The following AKT1 variants were observed in gnomAD, a reference collection of about 807,000 sequenced individuals.
The protein encoded by AKT1 is AKT serine/threonine kinase 1.
Under a neutral mutation model 63.1 loss-of-function variants are expected in AKT1, and 21 were observed. The observed-to-expected ratio is 0.33, with a 90% confidence interval of 0.24 to 0.48. The LOEUF (loss-of-function observed/expected upper bound fraction) is 0.48, where lower values mean the gene tolerates loss of function less well. AKT1 is among the 20% of genes least tolerant of loss of function. The pLI, the probability that AKT1 is intolerant of heterozygous loss-of-function variation, is 0.99. For synonymous variants in AKT1, 257 were observed against 253.1 expected (o/e 1.02, Z -0.15); for missense variants, 382 against 666.0 (o/e 0.57, Z 4.69).
intron 3 of AKT1, among the ~76,000 whole-genome samples, chr14:104,782,889 G>T (rs374349508): frequency 1.3e-5 from 2 of 152,112 alleles, no homozygotes; most frequent in Non-Finnish European, 2.9e-5. Context: ...AGGATCACTT[G>T]GGGGGGTGCC....
At chr14:104,773,857 C>T in intron 9 of AKT1, 55 bp downstream of exon 9, 5 of 1,530,060 alleles carry the variant, frequency 3.3e-6, no homozygotes, top group Non-Finnish European at 4.5e-6. Context: ...GGACCGGCCC[C>T]ACCATGGGCG....
Position 104,774,928 on chromosome 14 carries a change from T to A in AKT1, c.633+10A>T. On this transcript the variant is annotated intron_variant, in intron 8 of 14. Transcript: ENST00000649815. ...CCCAGCCCTTCAGCCCCATCTGGGC[T>A]CCCACTCACTGTGAGGAAGGGGTGC... 2 of 1,608,838 alleles carry A rather than the reference T, an allele frequency of 1.2e-6. No individual in the cohort carries two copies. Among genetic ancestry groups the A allele is most frequent in the African/African-American group, 2.7e-5 (2 of 74,454 alleles).
In AKT1 at chr14:104,778,368, T is replaced by C. The variant is rs550696335; in HGVS notation, c.176-1598A>G. 1.5e-4 allele frequency: 23 copies of C among 152,416 alleles called. 2 individuals are homozygous for C. In the East Asian group the frequency reaches 4.3e-3, roughly 28 times the overall value. 9.4% of individuals were successfully genotyped at this position (152,416 alleles called of 1,614,324 possible). A position where few individuals can be genotyped will look rare whatever the true frequency, so the allele number is the denominator to read the frequency against. The stretch of plus-strand genomic sequence containing the variant: ...AGTCACAGTGAGTCTCCTGCATGGT[T>C]ACGAGGCTGTCAGGAGACAGGGGTG... On this transcript the variant is annotated intron_variant, in intron 4 of 14. Coordinates refer to ENST00000649815, the MANE Select transcript of AKT1 (RefSeq NM_001382430.1).
At chr14:104,792,447 A>C in intron 3 of AKT1, 151 bp downstream of exon 3, 1 of 851,230 alleles carries the variant, frequency 1.2e-6, no homozygotes, top group South Asian at 1.4e-5. Flanking sequence ...CCATGGGAAG[A>C]CATGGGGCCC....
chr14:104,777,747 A>G, intron 4 of AKT1: 1 of 985,454 alleles, frequency 1.0e-6, no homozygotes. Flanking sequence ...ACATTCCAGC[A>G]TCGAGGCCCT....
At chr14:104,771,034 C>G (rs1892355796) in intron 13 of AKT1, 187 bp from the exon 14 acceptor site, 2 of 598,770 alleles carry the variant, frequency 3.3e-6, no homozygotes, top group South Asian at 2.0e-5. Flanking sequence ...ATGAGGGGTG[C>G]AGGAGCACGG....
At chr14:104,776,534 G>A (rs917847115) in intron 5 of AKT1, 125 bp downstream of exon 5, 1 of 767,758 alleles carries the variant, frequency 1.3e-6, no homozygotes, top group South Asian at 1.8e-5. Context: ...GCTCTGAGGA[G>A]GGCCTGGGAG....
At chr14:104,781,470 G>C (rs1893035823) in intron 3 of AKT1, among the ~76,000 whole-genome samples, 1 of 152,200 alleles carries the variant, frequency 6.6e-6, no homozygotes, top group Non-Finnish European at 1.5e-5. Context: ...AGCCCCAGGG[G>C]AGCTCAGAGG....
At chr14:104,792,925 GT>G (rs1893702929) in intron 2 of AKT1, 1 of 582,196 alleles carries the variant, frequency 1.7e-6, no homozygotes, top group African/African-American at 1.9e-5. Flanking sequence ...GGGCTGCCAA[GT>G]GTCAAATCCA....
rs781232725 is a variant in AKT1 at position 104,773,920 on chromosome 14, C to T, written c.694G>A (p.Gly232Arg). ...GCAGCCCCAGCCCCTACCTCGCCCC[C>T]GTTGGCGTACTCCATGACAAAGCAG... ...RLCFVMEYAN[G>R]GELFFHLSRE... Residue 232 changes from glycine (G) to arginine (R), a missense_variant, in exon 9 of 15, where the codon GGG becomes AGG. Around this residue, in one of 3 missense-constraint regions of AKT1, gnomAD observed 226 missense variants for 366.4 expected, o/e 0.62. Coordinates refer to ENST00000649815, the MANE Select transcript of AKT1 (RefSeq NM_001382430.1). The T allele has an allele frequency of 1.2e-6, 2 of 1,610,440 alleles. No individual in the cohort carries two copies. The highest frequency in any genetic ancestry group is 1.3e-5 in the African/African-American group (1 of 74,816).
At chr14:104,777,792 A>G (rs1447969660) in intron 4 of AKT1, 3 of 974,266 alleles carry the variant, frequency 3.1e-6, no homozygotes, top group Non-Finnish European at 3.7e-6. Context: ...GGCAGCAAGG[A>G]AGCTGTCTTC....
chr14:104,773,879 G>T (rs3730361), intron 9 of AKT1, 33 bp downstream of exon 9: 6 of 1,577,240 alleles, frequency 3.8e-6, no homozygotes, highest in Non-Finnish European at 5.2e-6. Context: ...CCCACAGGCC[G>T]CGAAGTCCAT....
chr14:104,787,708 G>A (rs1023474896), intron 3 of AKT1, among the ~76,000 whole-genome samples: 3 of 152,220 alleles, frequency 2.0e-5, no homozygotes, highest in Admixed American at 1.3e-4. Context: ...ACTCTCCTGG[G>A]CCTCAGTTTC....
At chr14:104,786,522 G>A (rs1349247724) in intron 3 of AKT1, among the ~76,000 whole-genome samples, 1 of 152,196 alleles carries the variant, frequency 6.6e-6, no homozygotes, top group Non-Finnish European at 1.5e-5. Flanking sequence ...CTCCAGTGCT[G>A]GCCTCTCAAT....
At chr14:104,773,608 C>G in intron 9 of AKT1, 28 bp from the exon 10 acceptor site, 1 of 1,589,116 alleles carries the variant, frequency 6.3e-7, no homozygotes, top group Non-Finnish European at 8.6e-7. Context: ...TGAGGCACAG[C>G]CGTGGCTCGG....
At chr14:104,780,246 C>T (rs1892957391) in intron 3 of AKT1, 30 bp from the exon 4 acceptor site, 2 of 1,610,212 alleles carry the variant, frequency 1.2e-6, no homozygotes, top group Non-Finnish European at 1.7e-6. Context: ...GAGAGCCACG[C>T]ACACTCTACC....
chr14:104,792,791 G>T, intron 2 of AKT1, 69 bp from the exon 3 acceptor site: 1 of 977,908 alleles, frequency 1.0e-6, no homozygotes, highest in Non-Finnish European at 1.6e-6. Context: ...CCCTGGGTGA[G>T]CCAGAGACCC....
intron 9 of AKT1, 119 bp from the exon 10 acceptor site, chr14:104,773,699 A>T: frequency 7.0e-7 from 1 of 1,431,650 alleles, no homozygotes. Context: ...CAGCCACCAG[A>T]GGGCACGGGG....
intron 4 of AKT1, 76 bp downstream of exon 4, chr14:104,780,012 C>G (rs1892944460): frequency 6.4e-7 from 1 of 1,564,032 alleles, no homozygotes; most frequent in Non-Finnish European, 8.7e-7. Context: ...GGACCCCCAT[C>G]GTGGGGCCTG....
Sources: allele counts gnomAD v4.1 joint callset (sites outside exome capture counted in the v4.1 genomes callset), GRCh38; gene constraint gnomAD v4.1.1; regional missense constraint gnomAD v4.1.1; transcripts MANE v1.5; gene names NCBI Gene and HGNC (gene_info 2026-07-23, HGNC 2026-07-21).